The following SGSM3 variants were observed in gnomAD, a reference collection of about 807,000 sequenced individuals.
SGSM3 encodes the protein small G protein signaling modulator 3.
Under a neutral mutation model 100.5 loss-of-function variants are expected in SGSM3, and 96 were observed. That is an observed-to-expected ratio of 0.96 (90% confidence interval 0.81 to 1.13). SGSM3 has a LOEUF of 1.13. Ranked by LOEUF, SGSM3 falls within the 50% of genes most tolerant of loss-of-function variation. The pLI, the probability that SGSM3 is intolerant of heterozygous loss-of-function variation, is 0.00. For missense variants in SGSM3, 1,001 were observed against 1,015.8 expected (o/e 0.99, Z 0.20); for synonymous variants, 483 against 422.8 (o/e 1.14, Z -1.75).
Position 40,410,173 on chromosome 22 carries a change from T to A in SGSM3, c.*414T>A. 2 of 1,085,308 alleles carry A rather than the reference T, an allele frequency of 1.8e-6. No individual in the cohort carries two copies. The highest frequency in any genetic ancestry group is 2.2e-6 in the Non-Finnish European group (2 of 894,344). The allele number at this position is 1,085,308 out of a possible 1,614,324, so 67.2% of individuals were successfully genotyped here. ...GTATTCAGGTCCAAGGTTCTGCCCT[T>A]CCTTGAGTGGTCTAGAAGGCACTGC... On this transcript the variant is annotated 3_prime_UTR_variant, in exon 22 of 22. Transcript: ENST00000248929.
At chr22:40,373,761 G>A (rs1279550855) in intron 1 of SGSM3, among the ~76,000 whole-genome samples, 4 of 151,544 alleles carry the variant, frequency 2.6e-5, no homozygotes, top group South Asian at 2.1e-4. Context: ...GACTGCAGGC[G>A]TGCACCACCA....
At position 40,404,401 on chromosome 22, in the gene SGSM3, T is replaced by G. The variant is rs143169144; in HGVS notation, c.312T>G (p.Ser104=). 1.4e-5 allele frequency: 22 copies of G among 1,608,536 alleles called. No homozygotes were observed. In the African/African-American group the frequency reaches 2.7e-4, roughly 20 times the overall value. ...WDKIAVSLPR[S]EKLRSLVLAG... Reference sequence around the variant, plus strand: ...AGATTGCCGTCTCCCTACCCCGCTCTGAGAAGCTCCGCTCCCTGGTGCTGG... The same window carrying G: ...AGATTGCCGTCTCCCTACCCCGCTCGGAGAAGCTCCGCTCCCTGGTGCTGG... Residue 104 remains serine (S), a synonymous_variant, in exon 5 of 22, where the codon TCT becomes TCG. Transcript: ENST00000248929.
At chr22:40,389,661 A>G (rs1470293734) in intron 1 of SGSM3, among the ~76,000 whole-genome samples, 54 of 138,924 alleles carry the variant, frequency 3.9e-4, no homozygotes, top group Middle Eastern at 4.6e-3. Context: ...TAATCCCAGC[A>G]CTTTGGGAGG....
intron 1 of SGSM3, among the ~76,000 whole-genome samples, chr22:40,372,145 GAGACGGAGTCTCGCTCTGTT>G (rs2045680463): frequency 6.6e-5 from 1 of 15,140 alleles, no homozygotes; most frequent in South Asian, 1.9e-3. Flanking sequence ...TTTTTTTTTT[GAGACGGAGTCTCGCTCTGTT>G]GCCCAGGCTG....
chr22:40,378,784 T>C (rs559329854), intron 1 of SGSM3, among the ~76,000 whole-genome samples: 64 of 152,130 alleles, frequency 4.2e-4, no homozygotes, highest in Non-Finnish European at 8.5e-4. Flanking sequence ...CTGAATGAAC[T>C]GTAAAGTTCT....
In SGSM3 at chr22:40,408,631, C is replaced by T. The variant is rs2052039336; in HGVS notation, c.1787C>T (p.Ala596Val). 2 of 1,613,966 alleles carry T rather than the reference C, an allele frequency of 1.2e-6. No homozygotes were observed. The highest frequency in any genetic ancestry group is 2.7e-5 in the African/African-American group (2 of 75,056). ...CHPWLFIEEA[A>V]GREVERDFAS... ...CACCGTGTGCTGTCCCCACAGGCTG[C>T]AGGCCGGGAGGTCGAGAGAGACTTT... Residue 596 changes from alanine (A) to valine (V), a missense_variant, in exon 17 of 22, where the codon GCA becomes GTA. Physicochemically the swap from Ala to Val is moderately conservative, Grantham distance 64. Coordinates refer to ENST00000248929, the MANE Select transcript of SGSM3 (RefSeq NM_015705.6).
At position 40,406,467 on chromosome 22, in the gene SGSM3, G is replaced by A. The variant is rs371482277; in HGVS notation, c.990G>A (p.Ser330=). ...AAGAGCTGATCCAGTCAGAGAACTCGGCCTCCATCTTCAACACGCTATCGG... is the reference window on the plus strand; with the variant it reads ...AAGAGCTGATCCAGTCAGAGAACTCAGCCTCCATCTTCAACACGCTATCGG... ...KEEELIQSEN[S]ASIFNTLSDI... is the part of the protein sequence containing the mutation. The change falls in exon 10 of 22, where the codon TCG becomes TCA. Residue 330 remains serine (S), a synonymous_variant. Transcript: ENST00000248929. 16 of 1,596,318 alleles carry A rather than the reference G, an allele frequency of 1.0e-5. No homozygotes were observed. Among genetic ancestry groups the A allele is most frequent in the African/African-American group, 2.7e-5 (2 of 74,674 alleles).
At chr22:40,390,410 C>T (rs1458715182) in intron 1 of SGSM3, 1 of 152,212 alleles carries the variant, frequency 6.6e-6, no homozygotes, top group African/African-American at 2.4e-5. Context: ...GTGACAGCTG[C>T]ACACCATTTT....
At chr22:40,379,573 G>A (rs2047219165) in intron 1 of SGSM3, 1 of 152,188 alleles carries the variant, frequency 6.6e-6, no homozygotes, top group South Asian at 2.1e-4. Flanking sequence ...CTCAGTTCAG[G>A]CCCGTGCAGT....
At position 40,404,112 on chromosome 22, in the gene SGSM3, G is replaced by A. The variant is rs942056538; in HGVS notation, c.158-135G>A. ...GAGCTGTCAGAAAGCCATTAGCTAT[G>A]GGAATCTGGATATGGTGGGAGAGAG... On this transcript the variant is annotated intron_variant, in intron 4 of 21. Coordinates refer to ENST00000248929, the MANE Select transcript of SGSM3 (RefSeq NM_015705.6). The A allele has an allele frequency of 9.2e-6, 6 of 654,540 alleles. No individual in the cohort carries two copies. The Admixed American group carries it at 1.2e-4, about 13-fold the overall frequency. 40.5% of individuals were successfully genotyped at this position (654,540 alleles called of 1,614,324 possible). A position where few individuals can be genotyped will look rare whatever the true frequency, so the allele number is the denominator to read the frequency against.
At chr22:40,408,027 T>C (rs1602124572) in intron 14 of SGSM3, 44 bp from the exon 15 acceptor site, 2 of 1,600,164 alleles carry the variant, frequency 1.2e-6, no homozygotes, top group African/African-American at 2.7e-5. Context: ...TGCTCTGTCC[T>C]CGGCCCTCGT....
intron 1 of SGSM3, among the ~76,000 whole-genome samples, chr22:40,396,164 A>G (rs962758078): frequency 3.3e-5 from 5 of 151,726 alleles, no homozygotes; most frequent in Admixed American, 1.3e-4. Flanking sequence ...ATCTTTTTTT[A>G]CTCCAGCCTT....
chr22:40,407,869 C>T lies in SGSM3; in HGVS notation c.1579+26C>T. On this transcript the variant is annotated intron_variant, in intron 14 of 21. Transcript: ENST00000248929. This position sits in a 1 kb window ranked among gnomAD's most constrained non-coding sequence, Gnocchi z 4.7. ...GTGGGGTCCTTGGTCTGCTCTTGAGCTGGGAGAGGGAGGAGGGGGTGGGCA... is the reference window on the plus strand; with the variant it reads ...GTGGGGTCCTTGGTCTGCTCTTGAGTTGGGAGAGGGAGGAGGGGGTGGGCA... 1 of 1,594,600 alleles carries T rather than the reference C, an allele frequency of 6.3e-7. No homozygotes were observed. The highest frequency in any genetic ancestry group is 8.6e-7 in the Non-Finnish European group (1 of 1,167,840).
chr22:40,401,731 GGACCCAGCTC>G, intron 3 of SGSM3, 56 bp downstream of exon 3: 1 of 1,481,936 alleles, frequency 6.7e-7, no homozygotes. Context: ...GGTATGAAGG[GGACCCAGCTC>G]TGCAGGCTGC....
chr22:40,389,916 G>GAAAAA (rs34606137), intron 1 of SGSM3, among the ~76,000 whole-genome samples: 1 of 104,936 alleles, frequency 9.5e-6, no homozygotes. Flanking sequence ...AAAAAAAAAA[G>GAAAAA]AAAAAAAAAA....
chr22:40,404,685 C>T, intron 6 of SGSM3, 21 bp downstream of exon 6: 3 of 1,555,692 alleles, frequency 1.9e-6, no homozygotes, highest in South Asian at 2.3e-5. Flanking sequence ...TGGCACTGTG[C>T]AGGAAGAGCT....
intron 1 of SGSM3, among the ~76,000 whole-genome samples, chr22:40,383,190 G>A (rs2047851666): frequency 6.6e-6 from 1 of 152,034 alleles, no homozygotes; most frequent in African/African-American, 2.4e-5. Context: ...AGGAACGGCC[G>A]GGTGCAGTGG....
chr22:40,382,095 C>T (rs1242909262), intron 1 of SGSM3, among the ~76,000 whole-genome samples: 1 of 152,066 alleles, frequency 6.6e-6, no homozygotes, highest in Non-Finnish European at 1.5e-5. Flanking sequence ...AGTAAGCACT[C>T]ATGATGTGAA....
At chr22:40,402,260 CCGCTCCCTTGACTGAATTA>C in intron 4 of SGSM3, 55 bp downstream of exon 4, 1 of 1,362,504 alleles carries the variant, frequency 7.3e-7, no homozygotes. Flanking sequence ...GGGGAGGACT[CCGCTCCCTTGACTGAATTA>C]CTCGGCCTGT....
Sources: allele counts gnomAD v4.1 joint callset (sites outside exome capture counted in the v4.1 genomes callset), GRCh38; gene constraint gnomAD v4.1.1; non-coding constraint Gnocchi (gnomAD v3.1); transcripts MANE v1.5; gene names NCBI Gene and HGNC (gene_info 2026-07-23, HGNC 2026-07-21).